Variants in ATP8A2 observed in about 807,000 individuals in gnomAD.
ATP8A2 encodes the protein phospholipid-transporting ATPase IB.
Under a neutral mutation model 165.6 loss-of-function variants are expected in ATP8A2, and 100 were observed. The observed-to-expected ratio is 0.60, with a 90% confidence interval of 0.51 to 0.71. ATP8A2 has a LOEUF of 0.71. Among genes scored for constraint, ATP8A2 ranks in the 30% least tolerant of loss-of-function variants. The probability of loss-of-function intolerance (pLI) is 0.00; values close to 1 mark genes in which losing one functional copy is unlikely to be tolerated. For missense variants in ATP8A2, 1,227 were observed against 1,479.5 expected (o/e 0.83, Z 2.80); for synonymous variants, 543 against 548.8 (o/e 0.99, Z 0.15).
At chr13:25,985,735 C>T (rs1460593487) in intron 35 of ATP8A2, among the ~76,000 whole-genome samples, 1 of 152,156 alleles carries the variant, frequency 6.6e-6, no homozygotes, top group African/African-American at 2.4e-5. Context: ...GGTGTGTTTG[C>T]CCTTGACAAC....
intron 24 of ATP8A2, among the ~76,000 whole-genome samples, chr13:25,594,720 A>G (rs2040187283): frequency 6.6e-6 from 1 of 152,130 alleles, no homozygotes; most frequent in Non-Finnish European, 1.5e-5. Flanking sequence ...CTCCAATCTC[A>G]TCCAGGTCAC....
intron 24 of ATP8A2, among the ~76,000 whole-genome samples, chr13:25,637,566 G>T (rs955549618): frequency 1.3e-5 from 2 of 152,258 alleles, no homozygotes; most frequent in East Asian, 3.9e-4. Flanking sequence ...GGGGTGGGGC[G>T]CCTGCCATTG....
At chr13:25,932,144 G>A (rs1243655038) in intron 33 of ATP8A2, among the ~76,000 whole-genome samples, 3 of 152,034 alleles carry the variant, frequency 2.0e-5, no homozygotes, top group Admixed American at 6.6e-5. Context: ...GATGCTCCCC[G>A]TACAGTAGAA....
At chr13:25,889,331 T>C (rs950272183) in intron 33 of ATP8A2, among the ~76,000 whole-genome samples, 12 of 149,456 alleles carry the variant, frequency 8.0e-5, no homozygotes, top group Admixed American at 1.4e-4. Flanking sequence ...ATTGAAAGGA[T>C]TGAAAATCCC....
intron 24 of ATP8A2, among the ~76,000 whole-genome samples, chr13:25,644,591 CT>C (rs1307896249): frequency 6.6e-6 from 1 of 151,198 alleles, no homozygotes; most frequent in Non-Finnish European, 1.5e-5. Context: ...ATACCTTCCT[CT>C]TTTATTTTTT....
At chr13:25,700,396 C>T (rs1168352947) in intron 25 of ATP8A2, among the ~76,000 whole-genome samples, 1 of 152,142 alleles carries the variant, frequency 6.6e-6, no homozygotes, top group East Asian at 1.9e-4. Flanking sequence ...AAAGAAACTC[C>T]TGTATCCATT....
At chr13:25,605,652 T>G (rs2040496617) in intron 24 of ATP8A2, among the ~76,000 whole-genome samples, 1 of 152,158 alleles carries the variant, frequency 6.6e-6, no homozygotes, top group Non-Finnish European at 1.5e-5. Flanking sequence ...CAATAGATAT[T>G]CATGTTAACC....
chr13:25,519,164 T>C (rs1454063603), intron 2 of ATP8A2, among the ~76,000 whole-genome samples: 1 of 152,162 alleles, frequency 6.6e-6, no homozygotes, highest in Non-Finnish European at 1.5e-5. Context: ...TCTGCAAAGC[T>C]CTTCCCCTGT....
At chr13:25,650,355 G>T (rs16837) in intron 24 of ATP8A2, among the ~76,000 whole-genome samples, 56,268 of 151,984 alleles carry the variant, frequency 0.37, 11,276 homozygotes, top group Middle Eastern at 0.49. Flanking sequence ...TCTTGCTGAT[G>T]TCGTCTGAAT....
At chr13:25,965,332 C>T (rs968157340) in intron 34 of ATP8A2, among the ~76,000 whole-genome samples, 4 of 152,144 alleles carry the variant, frequency 2.6e-5, no homozygotes, top group African/African-American at 9.7e-5. Flanking sequence ...GAAAAGAGAA[C>T]CAGAATGAGG....
intron 13 of ATP8A2, among the ~76,000 whole-genome samples, chr13:25,555,844 C>T (rs576353920): frequency 6.6e-5 from 10 of 152,196 alleles, no homozygotes; most frequent in African/African-American, 2.4e-4. Context: ...CAATGTTTAG[C>T]TCCCACTTAA....
chr13:25,730,262 C>T (rs561979843), intron 25 of ATP8A2, among the ~76,000 whole-genome samples: 18 of 152,206 alleles, frequency 1.2e-4, no homozygotes, highest in African/African-American at 3.1e-4. Flanking sequence ...ACTGCACTCC[C>T]GCCTGAGTGA....
In ATP8A2 at chr13:25,372,609, G is replaced by A. The variant is rs1475596912; in HGVS notation, c.76+321G>A. ...TGCCCGTGCGCCCCTACGCGCGGAT[G>A]CGGCTCAGGGATGCGACCTAGGCGG... is the stretch of plus-strand genomic sequence containing the variant. On this transcript the variant is annotated intron_variant, in intron 1 of 36. Coordinates refer to ENST00000381655, the MANE Select transcript of ATP8A2 (RefSeq NM_016529.6). This position sits in a 1 kb window ranked among gnomAD's most constrained non-coding sequence, Gnocchi z 4.8. 6.6e-6 allele frequency among the ~76,000 whole-genome samples: 1 copy of A among 152,212 alleles called. No individual in the cohort carries two copies. The highest frequency in any genetic ancestry group is 1.5e-5 in the Non-Finnish European group (1 of 68,028).
chr13:25,566,639 G>T (rs1450552041), intron 16 of ATP8A2, among the ~76,000 whole-genome samples: 1 of 152,184 alleles, frequency 6.6e-6, no homozygotes, highest in East Asian at 1.9e-4. Flanking sequence ...AATAAGATGA[G>T]CAGCGTGTAT....
intron 1 of ATP8A2, among the ~76,000 whole-genome samples, chr13:25,446,910 C>A (rs2035084666): frequency 6.6e-6 from 1 of 152,096 alleles, no homozygotes; most frequent in African/African-American, 2.4e-5. Context: ...GGCTGGAGTG[C>A]AATGGCGCAA....
chr13:25,880,259 T>C (rs1002795485), intron 33 of ATP8A2, among the ~76,000 whole-genome samples: 2 of 152,088 alleles, frequency 1.3e-5, no homozygotes, highest in Non-Finnish European at 2.9e-5. Flanking sequence ...ATCCAGCGGC[T>C]AATCCATAGA....
chr13:25,770,331 G>A (rs903842307), intron 26 of ATP8A2, among the ~76,000 whole-genome samples: 1 of 152,034 alleles, frequency 6.6e-6, no homozygotes, highest in Non-Finnish European at 1.5e-5. Context: ...TGCACTTGAT[G>A]GATCAGCTGG....
At chr13:25,860,971 A>T in intron 32 of ATP8A2, 111 bp downstream of exon 32, 1 of 762,724 alleles carries the variant, frequency 1.3e-6, no homozygotes, top group Non-Finnish European at 2.2e-6. Flanking sequence ...CTTCTTTCAG[A>T]TTTTCTGTGT....
chr13:25,831,367 A>G (rs1464784001), intron 28 of ATP8A2, among the ~76,000 whole-genome samples: 1 of 151,296 alleles, frequency 6.6e-6, no homozygotes, highest in Non-Finnish European at 1.5e-5. Flanking sequence ...GTCGCCCGCC[A>G]CCGCGCCCGG....
Sources: allele counts gnomAD v4.1 joint callset (sites outside exome capture counted in the v4.1 genomes callset), GRCh38; gene constraint gnomAD v4.1.1; non-coding constraint Gnocchi (gnomAD v3.1); transcripts MANE v1.5; gene names NCBI Gene and HGNC (gene_info 2026-07-23, HGNC 2026-07-21).